CRYL1: variants seen among roughly 807,000 people sequenced by gnomAD.
CRYL1 encodes the protein lambda-crystallin homolog.
CRYL1 carries 29 observed loss-of-function variants against 36.6 expected under a neutral mutation model. That is an observed-to-expected ratio of 0.79 (90% CI 0.59 to 1.08). CRYL1 has a LOEUF of 1.08. Ranked by LOEUF, CRYL1 falls within the 50% of genes least tolerant of loss-of-function variation. CRYL1 has a pLI of 0.00. For missense variants in CRYL1, 411 were observed against 407.9 expected (o/e 1.01, Z -0.06); for synonymous variants, 152 against 151.5 (o/e 1.00, Z -0.02).
intron 6 of CRYL1, among the ~76,000 whole-genome samples, chr13:20,408,533 A>G (rs1003240476): frequency 3.9e-5 from 6 of 152,222 alleles, no homozygotes; most frequent in Admixed American, 2.0e-4. Context: ...AAAGCTTAGC[A>G]AAGAAACAAA....
At chr13:20,499,476 A>G (rs574614981) in intron 2 of CRYL1, among the ~76,000 whole-genome samples, 4 of 138,318 alleles carry the variant, frequency 2.9e-5, no homozygotes, top group Admixed American at 2.4e-4. Context: ...GTGAAACCCC[A>G]TCTCTACTAA....
intron 2 of CRYL1, among the ~76,000 whole-genome samples, chr13:20,507,746 G>C (rs140373570): frequency 1.3e-5 from 2 of 151,768 alleles, no homozygotes; most frequent in Admixed American, 1.3e-4. Context: ...GTGAAACCCC[G>C]TCTCTACTAA....
At position 20,415,737 on chromosome 13, in the gene CRYL1, T is replaced by C. The variant is rs2031646730; in HGVS notation, c.634-2350A>G. On this transcript the variant is annotated intron_variant, in intron 5 of 7. Transcript: ENST00000298248. This position sits in a 1 kb window ranked among gnomAD's most constrained non-coding sequence, Gnocchi z 4.1. ...TTCTAGAGGCCCGCACCCTGACTCC[T>C]GCAATTGCGGCTTTCCCGCTTTTCA... is the stretch of plus-strand genomic sequence containing the variant. 6.6e-6 allele frequency among the ~76,000 whole-genome samples: 1 copy of C among 152,248 alleles called. No individual in the cohort carries two copies. The highest frequency in any genetic ancestry group is 1.5e-5 in the Non-Finnish European group (1 of 68,038).
chr13:20,428,302 T>C (rs2031978571), intron 5 of CRYL1, among the ~76,000 whole-genome samples: 1 of 152,194 alleles, frequency 6.6e-6, no homozygotes, highest in Non-Finnish European at 1.5e-5. Flanking sequence ...GATTTTCGGA[T>C]TAGGGATGCT....
intron 3 of CRYL1, among the ~76,000 whole-genome samples, chr13:20,440,490 ACTTTCTAAT>A (rs2032328040): frequency 1.3e-5 from 2 of 152,320 alleles, no homozygotes; most frequent in Admixed American, 1.3e-4. Context: ...AGTTTCTTGT[ACTTTCTAAT>A]TTTGAATAGC....
chr13:20,421,668 C>T (rs995984843), intron 5 of CRYL1, among the ~76,000 whole-genome samples: 1 of 152,006 alleles, frequency 6.6e-6, no homozygotes, highest in East Asian at 1.9e-4. Context: ...GGACCCTTAC[C>T]CCTGGCCTGT....
intron 3 of CRYL1, among the ~76,000 whole-genome samples, chr13:20,478,098 C>G (rs999941863): frequency 6.6e-6 from 1 of 151,346 alleles, no homozygotes; most frequent in African/African-American, 2.4e-5. Flanking sequence ...AAGTAAAATA[C>G]TCTAGAAAAA....
intron 2 of CRYL1, among the ~76,000 whole-genome samples, chr13:20,495,749 G>A (rs2137481899): frequency 6.6e-6 from 1 of 152,332 alleles, no homozygotes; most frequent in Non-Finnish European, 1.5e-5. Flanking sequence ...TCCACCAACA[G>A]ATGGAGGGAT....
chr13:20,468,575 C>T (rs531624213), intron 3 of CRYL1, among the ~76,000 whole-genome samples: 1 of 152,320 alleles, frequency 6.6e-6, no homozygotes, highest in South Asian at 2.1e-4. Context: ...TCTAGAGACA[C>T]TGATATCACC....
chr13:20,447,382 C>T (rs976720468), intron 3 of CRYL1, among the ~76,000 whole-genome samples: 6 of 152,132 alleles, frequency 3.9e-5, no homozygotes, highest in African/African-American at 1.4e-4. Context: ...AAACCTTTAT[C>T]CCTGGGGGAG....
chr13:20,476,379 C>T (rs923831497), intron 3 of CRYL1, among the ~76,000 whole-genome samples: 3 of 147,438 alleles, frequency 2.0e-5, no homozygotes, highest in African/African-American at 7.5e-5. Flanking sequence ...AAAGGAAAAA[C>T]GAAAGGCAGG....
intron 3 of CRYL1, among the ~76,000 whole-genome samples, chr13:20,487,250 GA>G (rs60622317): frequency 3.4e-5 from 5 of 148,364 alleles, no homozygotes; most frequent in South Asian, 2.1e-4. Flanking sequence ...TTCTTTAAAA[GA>G]AAAAAAAAAG....
intron 2 of CRYL1, among the ~76,000 whole-genome samples, chr13:20,493,652 T>C (rs2033554155): frequency 6.6e-6 from 1 of 151,408 alleles, no homozygotes; most frequent in Non-Finnish European, 1.5e-5. Flanking sequence ...AGAGCTAAAC[T>C]CCATCAGAAG....
chr13:20,506,414 G>A (rs539934698), intron 2 of CRYL1, among the ~76,000 whole-genome samples: 2 of 152,064 alleles, frequency 1.3e-5, no homozygotes, highest in African/African-American at 4.8e-5. Context: ...AGGTTTTTCT[G>A]GTTCAAAAAT....
chr13:20,493,552 TAGG>T (rs770932875), intron 2 of CRYL1, among the ~76,000 whole-genome samples: 2 of 152,124 alleles, frequency 1.3e-5, no homozygotes, highest in Middle Eastern at 3.4e-3. Flanking sequence ...CCCAGCTACT[TAGG>T]AGGCTAAGGC....
At chr13:20,505,765 C>T (rs1006310929) in intron 2 of CRYL1, among the ~76,000 whole-genome samples, 1 of 152,042 alleles carries the variant, frequency 6.6e-6, no homozygotes, top group Non-Finnish European at 1.5e-5. Flanking sequence ...CAATGCAACC[C>T]GATTGGAAAG....
intron 6 of CRYL1, among the ~76,000 whole-genome samples, chr13:20,412,661 T>C (rs1593427193): frequency 1.3e-5 from 2 of 152,344 alleles, no homozygotes; most frequent in South Asian, 4.1e-4. Flanking sequence ...CTTGGAAGTT[T>C]CTTGTCCTTC....
chr13:20,431,315 G>A lies in CRYL1; in HGVS notation c.633+787C>T, dbSNP rs1032431886. The A allele has an allele frequency of 2.3e-5, 23 of 985,314 alleles. 1 individual carries two copies. Among genetic ancestry groups the A allele is most frequent in the East Asian group, 1.1e-4 (1 of 8,826 alleles). 61.0% of individuals were successfully genotyped at this position (985,314 alleles called of 1,614,324 possible). A position where few individuals can be genotyped will look rare whatever the true frequency, so the allele number is the denominator to read the frequency against. On this transcript the variant is annotated intron_variant, in intron 5 of 7. Transcript: ENST00000298248. ...CGAGCCCGAGCAGCGTCCTCCCTAC[G>A]CGGTGCAGCTGGGTACTTCCGGCCC...
At chr13:20,518,685 G>C (rs2034043815) in intron 1 of CRYL1, among the ~76,000 whole-genome samples, 1 of 152,208 alleles carries the variant, frequency 6.6e-6, no homozygotes, top group African/African-American at 2.4e-5. Context: ...GAAGGGCAAA[G>C]ATGGAAGTCA....
Sources: allele counts gnomAD v4.1 joint callset (sites outside exome capture counted in the v4.1 genomes callset), GRCh38; gene constraint gnomAD v4.1.1; non-coding constraint Gnocchi (gnomAD v3.1); transcripts MANE v1.5; gene names NCBI Gene and HGNC (gene_info 2026-07-23, HGNC 2026-07-21).